IQANK1: variants seen among roughly 807,000 people sequenced by gnomAD.
IQANK1 encodes the protein IQ motif and ankyrin repeat domain-containing protein 1.
In IQANK1, 30 loss-of-function variants were observed where a neutral mutation model predicts 22.6. That is an observed-to-expected ratio of 1.33 (90% CI 0.99 to 1.80). The LOEUF is 1.80. Ranked by LOEUF, IQANK1 falls within the 40% of genes most tolerant of loss-of-function variation. The pLI, the probability that IQANK1 is intolerant of heterozygous loss-of-function variation, is 0.00. For synonymous variants in IQANK1, 122 were observed against 99.6 expected, an observed-to-expected ratio of 1.23 and a Z score of -1.34; for missense variants, 275 against 235.2, an observed-to-expected ratio of 1.17 and a Z score of -1.11.
intron 7 of IQANK1, among the ~76,000 whole-genome samples, chr8:143,786,653 T>C (rs554706972): frequency 6.6e-6 from 1 of 152,294 alleles, no homozygotes; most frequent in African/African-American, 2.4e-5. Context: ...TTAGGACCCA[T>C]CCTTGAACAA....
At chr8:143,740,544 C>T (rs1818880008) in intron 3 of IQANK1, among the ~76,000 whole-genome samples, 1 of 152,264 alleles carries the variant, frequency 6.6e-6, no homozygotes, top group South Asian at 2.1e-4. Flanking sequence ...GCCTGCCCTC[C>T]TGCTTCTGCG....
intron 3 of IQANK1, chr8:143,742,187 C>A: frequency 2.8e-6 from 1 of 359,998 alleles, no homozygotes; most frequent in Non-Finnish European, 5.6e-6. Flanking sequence ...CTGTCCCGGG[C>A]TCGTTCACTT....
At chr8:143,753,002 T>TA (rs1360638983) in intron 3 of IQANK1, among the ~76,000 whole-genome samples, 1 of 134,484 alleles carries the variant, frequency 7.4e-6, no homozygotes, top group South Asian at 2.6e-4. Context: ...GTTCGTTTTT[T>TA]TTTTTTTTTT....
chr8:143,773,704 C>T (rs1306053592), intron 7 of IQANK1, among the ~76,000 whole-genome samples: 2 of 152,196 alleles, frequency 1.3e-5, no homozygotes, highest in Non-Finnish European at 2.9e-5. Context: ...CCTGTAGGTG[C>T]TGCCTGGGAG....
At chr8:143,741,176 T>A (rs987394186) in intron 3 of IQANK1, among the ~76,000 whole-genome samples, 2 of 152,124 alleles carry the variant, frequency 1.3e-5, no homozygotes, top group Non-Finnish European at 2.9e-5. Flanking sequence ...GACGCCCCCA[T>A]TTTGCTTTCT....
intron 3 of IQANK1, among the ~76,000 whole-genome samples, chr8:143,748,784 T>TAAATATATAAATATATATC (rs1819099982): frequency 5.8e-5 from 3 of 51,324 alleles, no homozygotes; most frequent in East Asian, 6.6e-4. Context: ...AAATATATCA[T>TAAATATATAAATATATATC]ATATAAATAT....
At chr8:143,741,039 G>C (rs1818899712) in intron 3 of IQANK1, among the ~76,000 whole-genome samples, 2 of 152,204 alleles carry the variant, frequency 1.3e-5, no homozygotes, top group South Asian at 4.1e-4. Context: ...CTGAAGGCCA[G>C]CACCGAGGCT....
chr8:143,740,938 TGGCCTTGGCAAGAGGCA>T (rs1818894503), intron 3 of IQANK1, among the ~76,000 whole-genome samples: 2 of 152,246 alleles, frequency 1.3e-5, no homozygotes, highest in Non-Finnish European at 2.9e-5. Flanking sequence ...GCTGGGGATT[TGGCCTTGGCAAGAGGCA>T]GCTATGAGAG....
At chr8:143,786,879 C>T (rs1266500209) in intron 7 of IQANK1, among the ~76,000 whole-genome samples, 2 of 152,090 alleles carry the variant, frequency 1.3e-5, no homozygotes, top group Non-Finnish European at 2.9e-5. Flanking sequence ...CTGAGGGGGA[C>T]AAGGAAGGAG....
At position 143,771,442 on chromosome 8, in the gene IQANK1, T is replaced by C; in HGVS notation, c.176-46T>C. 1 of 392,646 alleles carries C rather than the reference T, an allele frequency of 2.5e-6. No individual in the cohort carries two copies. Among genetic ancestry groups the C allele is most frequent in the Non-Finnish European group, 4.5e-6 (1 of 222,500 alleles). The allele number at this position is 392,646 out of a possible 1,614,324, so 24.3% of individuals were successfully genotyped here. On this transcript the variant is annotated intron_variant, in intron 3 of 13. Coordinates refer to ENST00000527139, the MANE Select transcript of IQANK1 (RefSeq NM_001381874.1). The surrounding 1 kb of genome is among the most constrained non-coding windows in gnomAD (Gnocchi z 6.0). ...TCCACTCCCAGGGGCGCAGCAGGCG[T>C]GGCTGGAGGCGAGAACGCGCCCCCG... is the stretch of plus-strand genomic sequence containing the variant.
intron 3 of IQANK1, among the ~76,000 whole-genome samples, chr8:143,750,944 T>TGTG (rs78930988): frequency 2.0e-5 from 3 of 149,700 alleles, no homozygotes; most frequent in Non-Finnish European, 4.5e-5. Flanking sequence ...CTGTCTTCTT[T>TGTG]TGTGTGTGTG....
chr8:143,773,679 C>T (rs933099673), intron 7 of IQANK1, among the ~76,000 whole-genome samples: 2 of 152,194 alleles, frequency 1.3e-5, no homozygotes, highest in Non-Finnish European at 2.9e-5. Flanking sequence ...TAGGGACCCA[C>T]CCCCAGACTC....
In IQANK1 at chr8:143,771,558, C is replaced by T; in HGVS notation, c.246C>T (p.Leu82=). 2.5e-6 allele frequency: 1 copy of T among 398,258 alleles called. No homozygotes were observed. 24.7% of individuals were successfully genotyped at this position (398,258 alleles called of 1,614,324 possible). A position where few individuals can be genotyped will look rare whatever the true frequency, so the allele number is the denominator to read the frequency against. ...AFRQLRARRE[L]ARRREERREY... The stretch of plus-strand genomic sequence containing the variant: ...GGCAGCTCCGGGCCAGGAGGGAGCT[C>T]GCCCGCCGCCGGGAGGAGCGCCGGG... The change falls in exon 4 of 14, where the codon CTC becomes CTT. Residue 82 remains leucine (L), a synonymous_variant. Coordinates refer to ENST00000527139, the MANE Select transcript of IQANK1 (RefSeq NM_001381874.1). The surrounding 1 kb of genome is among the most constrained non-coding windows in gnomAD (Gnocchi z 6.0).
intron 3 of IQANK1, among the ~76,000 whole-genome samples, chr8:143,770,476 C>A (rs1438427132): frequency 6.6e-6 from 1 of 152,262 alleles, no homozygotes; most frequent in African/African-American, 2.4e-5. Flanking sequence ...TCCACCCTGC[C>A]CCCGCTGGCT....
chr8:143,782,298 C>G (rs782637321), intron 7 of IQANK1, among the ~76,000 whole-genome samples: 1 of 152,022 alleles, frequency 6.6e-6, no homozygotes, highest in Non-Finnish European at 1.5e-5. Context: ...ATCTGGATGC[C>G]TTTTCTTTCT....
chr8:143,780,595 G>A (rs890150651), intron 7 of IQANK1, among the ~76,000 whole-genome samples: 12 of 152,110 alleles, frequency 7.9e-5, no homozygotes, highest in South Asian at 2.1e-4. Flanking sequence ...CTGTTCCTGC[G>A]ATAGTTTGCT....
At chr8:143,765,606 A>G (rs1310842668) in intron 3 of IQANK1, among the ~76,000 whole-genome samples, 1 of 152,234 alleles carries the variant, frequency 6.6e-6, no homozygotes, top group African/African-American at 2.4e-5. Context: ...TGACATATGC[A>G]GAAGTTCTTT....
rs1261387233 is a variant in IQANK1, at chr8:143,758,771, C to T, written c.176-12717C>T. 1 of 152,866 alleles carries T rather than the reference C, an allele frequency of 6.5e-6. No individual in the cohort carries two copies. The highest frequency in any genetic ancestry group is 1.5e-5 in the Non-Finnish European group (1 of 68,512). The allele number at this position is 152,866 out of a possible 1,614,324, so 9.5% of individuals were successfully genotyped here. ...CCAAGAACCAGCACTGCCGGAGCCT[C>T]GCTGTGGTTTCTTCCTTCCCCGATG... is the stretch of plus-strand genomic sequence containing the variant. On this transcript the variant is annotated intron_variant, in intron 3 of 13. Coordinates refer to ENST00000527139, the MANE Select transcript of IQANK1 (RefSeq NM_001381874.1). The surrounding 1 kb of genome is among the most constrained non-coding windows in gnomAD (Gnocchi z 4.2).
chr8:143,752,438 A>C (rs924075972), intron 3 of IQANK1, among the ~76,000 whole-genome samples: 2 of 152,148 alleles, frequency 1.3e-5, no homozygotes, highest in Non-Finnish European at 2.9e-5. Context: ...AATGTGTCTC[A>C]GTGTGGGTCT....
Sources: gnomAD v4.1 joint callset for allele counts (sites outside exome capture counted in the v4.1 genomes callset) on GRCh38, gnomAD v4.1.1 for gene constraint, Gnocchi (gnomAD v3.1) non-coding constraint, MANE v1.5 for transcripts, NCBI Gene and HGNC (gene_info 2026-07-23, HGNC 2026-07-21) for gene names.